The following LRRK2 variants were observed in gnomAD, a reference collection of about 807,000 sequenced individuals.
LRRK2 encodes leucine-rich repeat serine/threonine-protein kinase 2.
A neutral mutation model predicts 302.6 loss-of-function variants in LRRK2; 203 were observed. The observed-to-expected ratio is 0.67, with a 90% CI of 0.60 to 0.75. The LOEUF is 0.75. Among genes scored for constraint, LRRK2 ranks in the 30% least tolerant of loss-of-function variants. LRRK2 has a pLI of 0.00. For missense variants in LRRK2, 2,830 were observed against 2,951.0 expected (o/e 0.96, Z 0.95); for synonymous variants, 1,066 against 1,031.9 (o/e 1.03, Z -0.63).
At chr12:40,327,896 C>A (rs752153909) in intron 38 of LRRK2, among the ~76,000 whole-genome samples, 3 of 152,098 alleles carry the variant, frequency 2.0e-5, no homozygotes, top group Non-Finnish European at 4.4e-5. Flanking sequence ...CTCAAAAAGA[C>A]TTTTTGTCTT....
intron 31 of LRRK2, 105 bp downstream of exon 31, chr12:40,310,754 C>T: frequency 1.7e-6 from 2 of 1,144,754 alleles, no homozygotes; most frequent in East Asian, 2.4e-5. Context: ...TGTGGGTTTT[C>T]TTTCCTTGTT....
rs914978076 is a variant in LRRK2, at chr12:40,348,567, A to G, written c.6381+58A>G. 4 of 1,025,206 alleles carry G rather than the reference A, an allele frequency of 3.9e-6. No individual in the cohort carries two copies. In the African/African-American group the frequency reaches 4.8e-5, roughly 12 times the overall value. The allele number at this position is 1,025,206 out of a possible 1,614,324, so 63.5% of individuals were successfully genotyped here. A position where few individuals can be genotyped will look rare whatever the true frequency, so the allele number is the denominator to read the frequency against. On this transcript the variant is annotated intron_variant, in intron 43 of 50. Coordinates refer to ENST00000298910, the MANE Select transcript of LRRK2 (RefSeq NM_198578.4). ...GAACATCATTTGCATATATGCATAT[A>G]TATATAATCTTCAAATATATATACT...
At chr12:40,226,270 AT>A (rs574193984) in intron 2 of LRRK2, among the ~76,000 whole-genome samples, 20 of 151,650 alleles carry the variant, frequency 1.3e-4, no homozygotes, top group Non-Finnish European at 2.5e-4. Context: ...TGTATCTTGG[AT>A]TTTTTTTTAA....
intron 50 of LRRK2, 181 bp downstream of exon 50, chr12:40,367,258 T>C (rs1946906521): frequency 3.5e-6 from 2 of 563,380 alleles, no homozygotes; most frequent in East Asian, 3.1e-5. Flanking sequence ...ATATGAAGTG[T>C]TAAATATTTA....
intron 20 of LRRK2, among the ~76,000 whole-genome samples, chr12:40,289,133 T>A (rs1391828638): frequency 6.6e-6 from 1 of 151,886 alleles, no homozygotes; most frequent in Admixed American, 6.6e-5. Flanking sequence ...TGTATGGATA[T>A]CCAGTTGTTC....
At chr12:40,270,798 A>T (rs1284593122) in intron 14 of LRRK2, among the ~76,000 whole-genome samples, 3 of 152,134 alleles carry the variant, frequency 2.0e-5, no homozygotes, top group African/African-American at 7.2e-5. Context: ...ATACATATAC[A>T]TACACGAATA....
intron 49 of LRRK2, 57 bp downstream of exon 49, chr12:40,365,107 T>C (rs1266534086): frequency 2.0e-6 from 3 of 1,473,706 alleles, no homozygotes; most frequent in South Asian, 2.3e-5. Flanking sequence ...AAAATATGCC[T>C]TTATTTTACG....
chr12:40,291,872 G>A (rs934721508), intron 20 of LRRK2, among the ~76,000 whole-genome samples: 5 of 151,850 alleles, frequency 3.3e-5, no homozygotes, highest in African/African-American at 1.2e-4. Flanking sequence ...ATATTTTGAA[G>A]CTCTGTTGTT....
At chr12:40,276,922 T>C (rs1592207013) in intron 16 of LRRK2, among the ~76,000 whole-genome samples, 1 of 152,258 alleles carries the variant, frequency 6.6e-6, no homozygotes, top group East Asian at 1.9e-4. Flanking sequence ...AACCTCTGCC[T>C]CCTGGGCCCA....
intron 11 of LRRK2, 43 bp from the exon 12 acceptor site, chr12:40,257,205 A>G: frequency 7.2e-7 from 1 of 1,392,112 alleles, no homozygotes. Flanking sequence ...AAATTATGAA[A>G]ATATGCTTTC....
intron 26 of LRRK2, 69 bp downstream of exon 26, chr12:40,302,951 G>C (rs531477562): frequency 1.4e-5 from 15 of 1,100,754 alleles, no homozygotes. Flanking sequence ...ACATGATTTC[G>C]ATTTAGTCAT....
chr12:40,225,504 G>T lies in LRRK2; in HGVS notation c.152-51G>T, dbSNP rs77259873. ...CCGTTTCAGACTAAAAAGGAGAGGG[G>T]GTGCTGTGGATTGTGACTTTGCTTC... On this transcript the variant is annotated intron_variant, in intron 1 of 50. Transcript: ENST00000298910. 4.3e-5 allele frequency: 63 copies of T among 1,475,604 alleles called. 1 individual carries two copies. The East Asian group carries it at 1.3e-3, about 31-fold the overall frequency. The allele number at this position is 1,475,604 out of a possible 1,614,324, so 91.4% of individuals were successfully genotyped here.
intron 10 of LRRK2, among the ~76,000 whole-genome samples, chr12:40,252,073 C>G (rs1167011240): frequency 1.3e-5 from 2 of 152,000 alleles, no homozygotes; most frequent in Admixed American, 6.6e-5. Context: ...ATCATAAGAC[C>G]GGCACTCTCT....
At chr12:40,365,433 G>C (rs1447698218) in intron 49 of LRRK2, 21 of 177,088 alleles carry the variant, frequency 1.2e-4, no homozygotes, top group Non-Finnish European at 1.2e-5. Context: ...AATCTCATTT[G>C]GTTTTTCATT....
chr12:40,356,487 A>G (rs576604735), intron 46 of LRRK2, among the ~76,000 whole-genome samples: 1 of 63,602 alleles, frequency 1.6e-5, no homozygotes, highest in East Asian at 3.3e-4. Context: ...TTATAAATAT[A>G]TTGTGGAAAA....
chr12:40,250,018 A>G (rs1942183693), intron 8 of LRRK2, 73 bp downstream of exon 8: 8 of 1,563,700 alleles, frequency 5.1e-6, no homozygotes, highest in East Asian at 2.3e-5. Flanking sequence ...TAACAAGAGA[A>G]TCATATGTAC....
At chr12:40,366,214 T>A (rs1160890673) in intron 49 of LRRK2, 1 of 151,910 alleles carries the variant, frequency 6.6e-6, no homozygotes, top group Non-Finnish European at 1.5e-5. Flanking sequence ...TATGCTATAT[T>A]TTGCCTCAGG....
intron 43 of LRRK2, among the ~76,000 whole-genome samples, chr12:40,350,278 A>C (rs980162031): frequency 6.6e-6 from 1 of 152,136 alleles, no homozygotes; most frequent in East Asian, 1.9e-4. Context: ...AAGAGTATAC[A>C]TTTATATTAT....
At position 40,323,372 on chromosome 12, in the gene LRRK2, T is replaced by C. The variant is rs1302431650; in HGVS notation, c.5656+66T>C. On this transcript the variant is annotated intron_variant, in intron 38 of 50. Coordinates refer to ENST00000298910, the MANE Select transcript of LRRK2 (RefSeq NM_198578.4). Reference sequence around the variant, plus strand: ...AATTTTCTCCTTATAATTTAGAAAATAGATTTCATAATTATATTGTCATAG... The same window carrying C: ...AATTTTCTCCTTATAATTTAGAAAACAGATTTCATAATTATATTGTCATAG... The C allele has an allele frequency of 3.0e-6, 4 of 1,318,630 alleles. No homozygotes were observed. The East Asian group carries it at 7.5e-5, about 25-fold the overall frequency. 81.7% of individuals were successfully genotyped at this position (1,318,630 alleles called of 1,614,324 possible).
Sources: gnomAD v4.1 joint callset for allele counts (sites outside exome capture counted in the v4.1 genomes callset) on GRCh38, gnomAD v4.1.1 for gene constraint, MANE v1.5 for transcripts, NCBI Gene and HGNC (gene_info 2026-07-23, HGNC 2026-07-21) for gene names.